The following RRM1 variants were observed in gnomAD, a reference collection of about 807,000 sequenced individuals.
RRM1 encodes ribonucleoside-diphosphate reductase large subunit.
RRM1 carries 19 observed loss-of-function variants against 101.5 expected under a neutral mutation model. That is an observed-to-expected ratio of 0.19 (90% confidence interval 0.13 to 0.27). RRM1 has a LOEUF of 0.27. Among genes scored for constraint, RRM1 ranks in the 10% least tolerant of loss-of-function variants. RRM1 has a pLI of 1.00. For synonymous variants in RRM1, 298 were observed against 323.4 expected (o/e 0.92, Z 0.84); for missense variants, 500 against 962.9 (o/e 0.52, Z 6.36).
chr11:4,118,193 C>G (rs1181675698), intron 7 of RRM1, 127 bp from the exon 8 acceptor site: 35 of 918,930 alleles, frequency 3.8e-5, no homozygotes, highest in Non-Finnish European at 5.6e-5. Context: ...CTTTGAAAAT[C>G]ATTTAGGAAC....
chr11:4,129,586 G>A (rs1427372173), intron 15 of RRM1, among the ~76,000 whole-genome samples: 1 of 149,016 alleles, frequency 6.7e-6, no homozygotes, highest in African/African-American at 2.5e-5. Flanking sequence ...AAGAGTTTTT[G>A]GAGGGTAATG....
At chr11:4,129,918 G>T (rs2094596270) in intron 15 of RRM1, among the ~76,000 whole-genome samples, 1 of 151,184 alleles carries the variant, frequency 6.6e-6, no homozygotes, top group Non-Finnish European at 1.5e-5. Context: ...TTTGGAAAGA[G>T]AAAATGAAAA....
At chr11:4,129,817 TA>T (rs1322547697) in intron 15 of RRM1, among the ~76,000 whole-genome samples, 4 of 151,594 alleles carry the variant, frequency 2.6e-5, no homozygotes, top group African/African-American at 4.8e-5. Flanking sequence ...AAATGCTCTT[TA>T]AAAAAAATAA....
intron 18 of RRM1, among the ~76,000 whole-genome samples, chr11:4,136,552 G>T (rs2094610268): frequency 4.0e-5 from 6 of 151,018 alleles, no homozygotes; most frequent in Admixed American, 4.0e-4. Flanking sequence ...TAATATTATT[G>T]TTTTATTTTA....
chr11:4,136,302 A>G (rs548491925), intron 18 of RRM1, among the ~76,000 whole-genome samples: 3 of 152,070 alleles, frequency 2.0e-5, no homozygotes, highest in South Asian at 2.1e-4. Flanking sequence ...GCTCACTGCA[A>G]CCTCTGTCCT....
At chr11:4,134,017 C>G (rs1048219277) in intron 17 of RRM1, among the ~76,000 whole-genome samples, 2 of 115,138 alleles carry the variant, frequency 1.7e-5, no homozygotes, top group African/African-American at 6.8e-5. Context: ...GACGAAGTCT[C>G]TGTCGCCCAG....
intron 11 of RRM1, among the ~76,000 whole-genome samples, 158 bp downstream of exon 11, chr11:4,122,378 C>G (rs1443686412): frequency 6.6e-6 from 1 of 152,124 alleles, no homozygotes; most frequent in Non-Finnish European, 1.5e-5. Flanking sequence ...GACTCTTCAC[C>G]AAAATTGAGT....
intron 1 of RRM1, among the ~76,000 whole-genome samples, chr11:4,098,639 A>T (rs948470770): frequency 6.6e-6 from 1 of 152,214 alleles, no homozygotes; most frequent in Non-Finnish European, 1.5e-5. Context: ...AGTAGAGGCC[A>T]TTCATTCAGT....
chr11:4,099,002 G>A (rs1365450997), intron 1 of RRM1, among the ~76,000 whole-genome samples: 5 of 152,126 alleles, frequency 3.3e-5, no homozygotes, highest in African/African-American at 9.7e-5. Flanking sequence ...CTCGGCAGAG[G>A]GAATTAGAAA....
At chr11:4,101,054 A>G (rs2094550232) in intron 1 of RRM1, among the ~76,000 whole-genome samples, 1 of 152,226 alleles carries the variant, frequency 6.6e-6, no homozygotes, top group Non-Finnish European at 1.5e-5. Context: ...ATAGTATGTC[A>G]GATGGGGTAA....
chr11:4,104,422 G>A (rs916816022), intron 2 of RRM1, among the ~76,000 whole-genome samples: 7 of 152,018 alleles, frequency 4.6e-5, no homozygotes, highest in African/African-American at 9.7e-5. Flanking sequence ...TGGATTAAGC[G>A]GTTTCTTAAA....
intron 12 of RRM1, among the ~76,000 whole-genome samples, chr11:4,124,050 A>G (rs1043227742): frequency 6.6e-6 from 1 of 152,206 alleles, no homozygotes; most frequent in Admixed American, 6.5e-5. Flanking sequence ...GGTTTTATGC[A>G]GTGTGGCAAG....
chr11:4,098,978 G>A (rs561224696), intron 1 of RRM1, among the ~76,000 whole-genome samples: 56 of 152,270 alleles, frequency 3.7e-4, no homozygotes, highest in African/African-American at 1.3e-3. Context: ...TGTGAGATCT[G>A]TGGCCTGAAC....
chr11:4,128,128 A>G (rs1042940312), intron 14 of RRM1, among the ~76,000 whole-genome samples: 1 of 150,424 alleles, frequency 6.6e-6, no homozygotes, highest in Non-Finnish European at 1.5e-5. Flanking sequence ...TTAGGTCCAC[A>G]TAGGATAATG....
Position 4,127,241 on chromosome 11 carries a change from T to A in RRM1, c.1677T>A (p.Ser559=), listed in dbSNP as rs201117393. The A allele has an allele frequency of 1.1e-4, 171 of 1,591,506 alleles. 1 individual carries two copies. In the East Asian group the frequency reaches 3.7e-3, roughly 35 times the overall value. Residue 559 remains serine (S), a synonymous_variant, in exon 14 of 19, where the codon TCT becomes TCA. Transcript: ENST00000300738. ...GCCCATACGAAACCTATGAGGGCTC[T>A]CCAGTTAGCAAAGGAGTAAGTATAT... ...EQGPYETYEG[S]PVSKGILQYD...
At position 4,109,718 on chromosome 11, in the gene RRM1, T is replaced by G; in HGVS notation, c.447+15T>G. 1 of 1,576,158 alleles carries G rather than the reference T, an allele frequency of 6.3e-7. No individual in the cohort carries two copies. The highest frequency in any genetic ancestry group is 1.1e-5 in the South Asian group (1 of 87,146). ...TCGGCTTTAAGGTAAATAATGGGTTTCAAGTATGTGGGAATTTATACTTAA... is the reference window on the plus strand; with the variant it reads ...TCGGCTTTAAGGTAAATAATGGGTTGCAAGTATGTGGGAATTTATACTTAA... On this transcript the variant is annotated intron_variant, in intron 5 of 18. Transcript: ENST00000300738.
rs1309512740 is a variant in RRM1, at chr11:4,133,557, A to G, written c.1906-6A>G. 6.3e-6 allele frequency: 10 copies of G among 1,589,480 alleles called. No homozygotes were observed. The highest frequency in any genetic ancestry group is 7.8e-6 in the Non-Finnish European group (9 of 1,160,618). On this transcript the variant is annotated splice_polypyrimidine_tract_variant and splice_region_variant and intron_variant, in intron 16 of 18. Coordinates refer to ENST00000300738, the MANE Select transcript of RRM1 (RefSeq NM_001033.5). ...TTCTTCATACATTTTCTGCTTTTCC[A>G]TTCAGATTGTAAATCCTCACTTATT...
At chr11:4,121,147 A>G (rs2094581259) in intron 9 of RRM1, among the ~76,000 whole-genome samples, 1 of 152,200 alleles carries the variant, frequency 6.6e-6, no homozygotes, top group Non-Finnish European at 1.5e-5. Context: ...GCCTTTTGTG[A>G]CTGTAGGCAC....
chr11:4,120,035 C>A, intron 9 of RRM1, 107 bp downstream of exon 9: 1 of 665,538 alleles, frequency 1.5e-6, no homozygotes, highest in Non-Finnish European at 2.7e-6. Flanking sequence ...CTTTTTTTTA[C>A]TTGTAAAATC....
Sources: allele counts gnomAD v4.1 joint callset (sites outside exome capture counted in the v4.1 genomes callset), GRCh38; gene constraint gnomAD v4.1.1; transcripts MANE v1.5; gene names NCBI Gene and HGNC (gene_info 2026-07-23, HGNC 2026-07-21).